Variants in CDKL4 observed in about 807,000 individuals in gnomAD.
CDKL4 encodes cyclin dependent kinase like 4, also known as cyclin-dependent kinase-like 4.
Under a neutral mutation model 42.0 loss-of-function variants are expected in CDKL4, and 44 were observed. The observed-to-expected ratio is 1.05, with a 90% CI of 0.82 to 1.35. The LOEUF (loss-of-function observed/expected upper bound fraction) is 1.35. Ranked by LOEUF, CDKL4 falls within the 40% of genes most tolerant of loss-of-function variation. The pLI is 0.00. For missense variants in CDKL4, 393 were observed against 369.9 expected (o/e 1.06, Z -0.51); for synonymous variants, 120 against 121.6 (o/e 0.99, Z 0.09).
intron 1 of CDKL4, among the ~76,000 whole-genome samples, chr2:39,239,968 T>C (rs1679576061): frequency 1.3e-5 from 2 of 151,410 alleles, no homozygotes; most frequent in Admixed American, 6.6e-5. Flanking sequence ...CGCACACTTG[T>C]AATCCCAGCT....
chr2:39,215,904 G>A (rs932030626), intron 3 of CDKL4, among the ~76,000 whole-genome samples: 2 of 152,082 alleles, frequency 1.3e-5, no homozygotes, highest in African/African-American at 2.4e-5. Flanking sequence ...AATCCCTTTC[G>A]ACTTGAAGTG....
At chr2:39,206,814 CT>C (rs2148339088) in intron 4 of CDKL4, among the ~76,000 whole-genome samples, 1 of 152,314 alleles carries the variant, frequency 6.6e-6, no homozygotes, top group South Asian at 2.1e-4. Flanking sequence ...TAATCAACTC[CT>C]TCTGCCTCCT....
intron 5 of CDKL4, 151 bp from the exon 6 acceptor site, chr2:39,190,653 T>TA: frequency 1.5e-6 from 1 of 647,384 alleles, no homozygotes; most frequent in East Asian, 2.7e-5. Flanking sequence ...AGGAAACAGT[T>TA]ACTGTGCATT....
At chr2:39,179,404 G>A in intron 8 of CDKL4, 83 bp from the exon 9 acceptor site, 1 of 1,110,260 alleles carries the variant, frequency 9.0e-7, no homozygotes, top group Non-Finnish European at 1.3e-6. Flanking sequence ...TAACTTGCTA[G>A]GATAAATATG....
At chr2:39,185,261 T>C (rs1290472352) in intron 7 of CDKL4, among the ~76,000 whole-genome samples, 2 of 66,608 alleles carry the variant, frequency 3.0e-5, no homozygotes, top group Non-Finnish European at 5.7e-5. Flanking sequence ...CATATGTATA[T>C]ATACATATAT....
intron 1 of CDKL4, among the ~76,000 whole-genome samples, chr2:39,235,885 AAAG>A (rs930640719): frequency 5.3e-5 from 8 of 152,016 alleles, no homozygotes; most frequent in African/African-American, 1.9e-4. Context: ...AAAGAAGAAG[AAAG>A]AAAAAAAAAT....
chr2:39,195,989 C>T (rs1225040345), intron 5 of CDKL4, among the ~76,000 whole-genome samples: 3 of 152,168 alleles, frequency 2.0e-5, no homozygotes, highest in Non-Finnish European at 1.5e-5. Context: ...AGAGAATCCA[C>T]AGACCCTTTG....
intron 3 of CDKL4, among the ~76,000 whole-genome samples, chr2:39,224,475 T>C (rs1380321687): frequency 6.6e-6 from 1 of 152,044 alleles, no homozygotes; most frequent in Non-Finnish European, 1.5e-5. Flanking sequence ...TTGTTAATAT[T>C]TGAATGGGAT....
At chr2:39,198,644 T>C (rs1473898631) in intron 5 of CDKL4, among the ~76,000 whole-genome samples, 4 of 151,836 alleles carry the variant, frequency 2.6e-5, no homozygotes, top group Non-Finnish European at 4.4e-5. Flanking sequence ...CTCTCACAGA[T>C]CACAGTGGAA....
intron 5 of CDKL4, among the ~76,000 whole-genome samples, chr2:39,202,974 C>A (rs1209243962): frequency 1.3e-5 from 2 of 152,132 alleles, no homozygotes; most frequent in Non-Finnish European, 2.9e-5. Flanking sequence ...TGTAGTACCA[C>A]TTTGTTTATA....
At chr2:39,214,220 G>A (rs1272388707) in intron 3 of CDKL4, among the ~76,000 whole-genome samples, 1 of 152,080 alleles carries the variant, frequency 6.6e-6, no homozygotes, top group African/African-American at 2.4e-5. Context: ...ACTATGCCCG[G>A]CCAGTATTTA....
chr2:39,199,301 AC>A (rs1370320796), intron 5 of CDKL4, among the ~76,000 whole-genome samples: 1 of 152,122 alleles, frequency 6.6e-6, no homozygotes, highest in Non-Finnish European at 1.5e-5. Context: ...AAGAAATAGA[AC>A]CTCTGAACAG....
chr2:39,231,650 C>A (rs1311998119), intron 1 of CDKL4, among the ~76,000 whole-genome samples: 1 of 151,930 alleles, frequency 6.6e-6, no homozygotes, highest in Non-Finnish European at 1.5e-5. Flanking sequence ...TGTATTTTTA[C>A]CTATGTATTA....
At chr2:39,201,609 A>G (rs1317038506) in intron 5 of CDKL4, among the ~76,000 whole-genome samples, 7 of 152,218 alleles carry the variant, frequency 4.6e-5, no homozygotes, top group African/African-American at 1.7e-4. Flanking sequence ...AAAATGTGGT[A>G]TATATATACC....
chr2:39,232,357 C>T (rs1463402445), intron 1 of CDKL4, among the ~76,000 whole-genome samples: 1 of 152,144 alleles, frequency 6.6e-6, no homozygotes, highest in African/African-American at 2.4e-5. Context: ...CTAATTCCAG[C>T]TTACTAGGAT....
At chr2:39,176,733 T>C (rs1399636217) in intron 9 of CDKL4, among the ~76,000 whole-genome samples, 1 of 152,234 alleles carries the variant, frequency 6.6e-6, no homozygotes, top group African/African-American at 2.4e-5. Flanking sequence ...CCACCTGGCC[T>C]CAAATTTTGA....
rs185139355 is a variant in CDKL4, at chr2:39,213,865, C to T, written c.291-393G>A. Among the ~76,000 whole-genome samples, 3 of 152,188 alleles carry T rather than the reference C, an allele frequency of 2.0e-5. No homozygotes were observed. The South Asian group carries it at 6.2e-4, about 32-fold the overall frequency. ...TCTCTTCAGGCATCTCTGCTCCTCT[C>T]TCTCCCTGTCTCTCTCTGTACTTTT... is the stretch of plus-strand genomic sequence containing the variant. On this transcript the variant is annotated intron_variant, in intron 3 of 9. Transcript: ENST00000451199.
chr2:39,203,532 G>A (rs1260956406), intron 5 of CDKL4, among the ~76,000 whole-genome samples: 1 of 151,900 alleles, frequency 6.6e-6, no homozygotes, highest in African/African-American at 2.4e-5. Flanking sequence ...CTAAATTGAG[G>A]GTCATATATA....
intron 3 of CDKL4, among the ~76,000 whole-genome samples, chr2:39,217,832 C>A (rs1344981664): frequency 6.6e-6 from 1 of 152,132 alleles, no homozygotes; most frequent in Non-Finnish European, 1.5e-5. Flanking sequence ...CTCCTGGGTT[C>A]AAGCGATTCT....
Sources: allele counts gnomAD v4.1 joint callset (sites outside exome capture counted in the v4.1 genomes callset), GRCh38; gene constraint gnomAD v4.1.1; transcripts MANE v1.5; gene names NCBI Gene and HGNC (gene_info 2026-07-23, HGNC 2026-07-21).